The following CEP112 variants were observed in gnomAD, a reference collection of about 807,000 sequenced individuals.
CEP112 encodes centrosomal protein 112.
A neutral mutation model predicts 153.0 loss-of-function variants in CEP112; 127 were observed. The ratio of observed to expected loss-of-function variants is 0.83; its 90% CI spans 0.72 to 0.96. The LOEUF (loss-of-function observed/expected upper bound fraction) is 0.96. Ranked by LOEUF, CEP112 falls within the 40% of genes least tolerant of loss-of-function variation. The pLI is 0.00. For synonymous variants in CEP112, 358 were observed against 374.4 expected (o/e 0.96, Z 0.51); for missense variants, 1,089 against 1,101.2 (o/e 0.99, Z 0.16).
intron 11 of CEP112, among the ~76,000 whole-genome samples, chr17:66,054,224 TA>T (rs2066579489): frequency 6.6e-6 from 1 of 152,172 alleles, no homozygotes. Flanking sequence ...AGAAACATTA[TA>T]ATATTGTAAC....
chr17:65,731,499 C>A (rs1174365485), intron 23 of CEP112, among the ~76,000 whole-genome samples: 1 of 152,080 alleles, frequency 6.6e-6, no homozygotes, highest in Admixed American at 6.5e-5. Context: ...TGGCTGCTGA[C>A]TAATAAGGGT....
At position 65,738,439 on chromosome 17, in the gene CEP112, G is replaced by A. The variant is rs146908336; in HGVS notation, c.2607+4629C>T. Reference sequence around the variant, plus strand: ...TTTACTCTAGTTTCTTTTGTCTGTTGAATTAAAGTAAAATTAAAGATTTTT... The same window carrying A: ...TTTACTCTAGTTTCTTTTGTCTGTTAAATTAAAGTAAAATTAAAGATTTTT... On this transcript the variant is annotated intron_variant, in intron 23 of 26. Transcript: ENST00000535342. 4.4e-3 allele frequency among the ~76,000 whole-genome samples: 666 copies of A among 151,932 alleles called. 8 individuals are homozygous for A. The highest frequency in any genetic ancestry group is 0.015 in the African/African-American group (629 of 41,436).
At chr17:66,001,077 T>C (rs2064024428) in intron 17 of CEP112, among the ~76,000 whole-genome samples, 1 of 152,128 alleles carries the variant, frequency 6.6e-6, no homozygotes, top group African/African-American at 2.4e-5. Context: ...AAATAACTGG[T>C]AGCAACGTTG....
In CEP112 at chr17:66,029,884, T is replaced by C. The variant is rs1360523211; in HGVS notation, c.1358A>G (p.Gln453Arg). Reference protein sequence around the residue: ...RCYQITCSELQEVKARRNTLH... With the variant: ...RCYQITCSELREVKARRNTLH... ...CAGACAATACCTTGCCTTTACTTCT[T>C]GTAATTCACTACACGTTATCTGGTA... Residue 453 changes from glutamine (Q) to arginine (R), a missense_variant, in exon 13 of 27, where the codon CAA (glutamine) becomes CGA (arginine). By Grantham distance (43) the Gln-to-Arg change is conservative (BLOSUM62 1). Transcript: ENST00000535342. 2.5e-6 allele frequency: 4 copies of C among 1,613,580 alleles called. No homozygotes were observed. The highest frequency in any genetic ancestry group is 1.7e-5 in the Admixed American group (1 of 59,976).
chr17:66,066,881 C>T lies in CEP112; in HGVS notation c.856-4G>A. ...CATTATTCTTTCTTTCTAAAATCTG[C>T]AAATAAATTTAAAATATTTCAGTAT... On this transcript the variant is annotated splice_region_variant and splice_polypyrimidine_tract_variant and intron_variant, in intron 9 of 26. Transcript: ENST00000535342. 1 of 1,501,820 alleles carries T rather than the reference C, an allele frequency of 6.7e-7. No individual in the cohort carries two copies. The allele number at this position is 1,501,820 out of a possible 1,614,324, so 93.0% of individuals were successfully genotyped here. A position where few individuals can be genotyped will look rare whatever the true frequency, so the allele number is the denominator to read the frequency against.
chr17:65,818,436 T>A (rs1253363032), intron 21 of CEP112, among the ~76,000 whole-genome samples: 2 of 151,804 alleles, frequency 1.3e-5, no homozygotes, highest in Non-Finnish European at 3.0e-5. Context: ...GCAAATAATA[T>A]CTCAGCCCCT....
chr17:65,888,285 T>A (rs922560607), intron 20 of CEP112, among the ~76,000 whole-genome samples: 8 of 152,312 alleles, frequency 5.3e-5, no homozygotes, highest in African/African-American at 1.9e-4. Flanking sequence ...AGGCAATCAG[T>A]CTTCTGGCTT....
intron 12 of CEP112, among the ~76,000 whole-genome samples, chr17:66,037,509 C>A (rs1171408811): frequency 6.6e-6 from 1 of 152,080 alleles, no homozygotes; most frequent in Admixed American, 6.6e-5. Flanking sequence ...TTAAATCATC[C>A]TTCTTTCCAG....
At chr17:65,721,273 G>A (rs2049872172) in intron 23 of CEP112, among the ~76,000 whole-genome samples, 1 of 152,178 alleles carries the variant, frequency 6.6e-6, no homozygotes, top group Admixed American at 6.5e-5. Context: ...GCCTCCCAAA[G>A]TGCTGGGATT....
chr17:65,826,174 C>T (rs754239419), intron 21 of CEP112: 16 of 1,614,084 alleles, frequency 9.9e-6, no homozygotes, highest in Non-Finnish European at 1.4e-5. Flanking sequence ...CTGTATCCCT[C>T]AGAGGCTTCA....
intron 23 of CEP112, among the ~76,000 whole-genome samples, chr17:65,714,878 G>A (rs939715257): frequency 5.3e-5 from 8 of 152,236 alleles, no homozygotes; most frequent in South Asian, 2.1e-4. Context: ...CAGGCTAGTG[G>A]AGCTGTTAGG....
intron 21 of CEP112, among the ~76,000 whole-genome samples, chr17:65,773,744 T>C (rs2053517826): frequency 6.6e-6 from 1 of 152,164 alleles, no homozygotes; most frequent in South Asian, 2.1e-4. Context: ...TACTCAGCCC[T>C]GCCCAGCTTG....
intron 12 of CEP112, among the ~76,000 whole-genome samples, chr17:66,045,836 A>G (rs1274492334): frequency 6.6e-6 from 1 of 152,168 alleles, no homozygotes; most frequent in Non-Finnish European, 1.5e-5. Flanking sequence ...GAGCTTCCCA[A>G]AGACTCTTTT....
chr17:66,042,027 T>C (rs1310416760), intron 12 of CEP112, among the ~76,000 whole-genome samples: 1 of 152,084 alleles, frequency 6.6e-6, no homozygotes, highest in Admixed American at 6.6e-5. Flanking sequence ...TCAAAATTAA[T>C]ATGCACAGGT....
At chr17:65,986,181 A>G (rs972730687) in intron 17 of CEP112, among the ~76,000 whole-genome samples, 2 of 152,152 alleles carry the variant, frequency 1.3e-5, no homozygotes, top group African/African-American at 2.4e-5. Context: ...GGGGAAAAAA[A>G]ATAAAACATC....
chr17:66,033,526 T>C (rs1598174642), intron 12 of CEP112, among the ~76,000 whole-genome samples: 1 of 152,186 alleles, frequency 6.6e-6, no homozygotes, highest in East Asian at 1.9e-4. Flanking sequence ...ATGCTGTTTC[T>C]CAAAGTCATC....
intron 24 of CEP112, among the ~76,000 whole-genome samples, chr17:65,643,824 T>A (rs2045285112): frequency 2.0e-5 from 3 of 152,186 alleles, no homozygotes. Flanking sequence ...GACTACTGGG[T>A]TTGAATTCTT....
chr17:65,867,056 C>T (rs2058511765), intron 20 of CEP112, among the ~76,000 whole-genome samples: 1 of 152,192 alleles, frequency 6.6e-6, no homozygotes. Flanking sequence ...AGGAGCTCCC[C>T]AAGCCAGGGC....
At chr17:66,139,545 C>A (rs1287468378) in intron 4 of CEP112, among the ~76,000 whole-genome samples, 1 of 151,828 alleles carries the variant, frequency 6.6e-6, no homozygotes, top group African/African-American at 2.4e-5. Context: ...GATGTCAAGG[C>A]GGCAGTGAGC....
Sources: allele counts gnomAD v4.1 joint callset (sites outside exome capture counted in the v4.1 genomes callset), GRCh38; gene constraint gnomAD v4.1.1; transcripts MANE v1.5; gene names NCBI Gene and HGNC (gene_info 2026-07-23, HGNC 2026-07-21).